ZNF875: variants seen among roughly 807,000 people sequenced by gnomAD.
ZNF875 encodes the protein zinc finger protein 875, also known as HKR1, GLI-Kruppel zinc finger family member.
A neutral mutation model predicts 11.2 loss-of-function variants in ZNF875; 14 were observed. The ratio of observed to expected loss-of-function variants is 1.26; its 90% CI spans 0.83 to 1.96. The LOEUF is 1.96. Among genes scored for constraint, ZNF875 ranks in the 30% most tolerant of loss-of-function variants. The pLI, the probability that ZNF875 is intolerant of heterozygous loss-of-function variation, is 0.00. For missense variants in ZNF875, 752 were observed against 760.4 expected (o/e 0.99, Z 0.13); for synonymous variants, 301 against 281.1 (o/e 1.07, Z -0.71).
intron 4 of ZNF875, among the ~76,000 whole-genome samples, chr19:37,326,425 A>G (rs890710082): frequency 4.6e-5 from 7 of 152,002 alleles, no homozygotes; most frequent in Non-Finnish European, 1.0e-4. Flanking sequence ...ATTATTTCCA[A>G]TTCCTTAACA....
Position 37,363,624 on chromosome 19 carries a change from G to C in ZNF875, c.1772G>C (p.Arg591Thr), listed in dbSNP as rs2040357104. ...AHAGGKPHVC[R>T]ECGQGFSRQS... is the part of the protein sequence containing the mutation. ...GCAGGGGGGAAGCCTCATGTGTGCA[G>C]GGAGTGTGGGCAAGGCTTTAGCCGG... Residue 591 changes from arginine (R) to threonine (T), a missense_variant, in exon 5 of 5, where the codon AGG becomes ACG. Arg to Thr is a moderately conservative substitution (Grantham distance 71, BLOSUM62 -1). Transcript: ENST00000392153. The C allele has an allele frequency of 2.5e-6, 4 of 1,613,024 alleles. No individual in the cohort carries two copies. The highest frequency in any genetic ancestry group is 3.4e-6 in the Non-Finnish European group (4 of 1,179,726).
intron 2 of ZNF875, chr19:37,344,939 AATG>A (rs1186454864): frequency 1.1e-5 from 7 of 616,460 alleles, no homozygotes; most frequent in Non-Finnish European, 2.1e-5. Context: ...TCCAGTGTTT[AATG>A]ATGAACAGTT....
upstream of ZNF875, among the ~76,000 whole-genome samples, chr19:37,330,598 G>A (rs1223642455): frequency 6.6e-6 from 1 of 152,066 alleles, no homozygotes; most frequent in African/African-American, 2.4e-5. Flanking sequence ...AACCTGAAGG[G>A]TAACTGCTTA....
At position 37,362,217 on chromosome 19, in the gene ZNF875, G is replaced by T; in HGVS notation, c.365G>T (p.Ser122Ile). The T allele has an allele frequency of 1.9e-6, 3 of 1,614,134 alleles. No individual in the cohort carries two copies. The highest frequency in any genetic ancestry group is 2.5e-6 in the Non-Finnish European group (3 of 1,180,010). ...AGTCATCTCTCTCAGCTGTTTTCAA[G>T]TTTATGGGCAGGAAATCCTCTCCAC... ...WLSHLSQLFS[S>I]LWAGNPLHLG... Residue 122 changes from serine (S) to isoleucine (I), a missense_variant, in exon 5 of 5, where the codon AGT becomes ATT. Ser to Ile is a moderately radical substitution (Grantham distance 142). Coordinates refer to ENST00000392153, the MANE Select transcript of ZNF875 (RefSeq NM_001353803.2).
upstream of ZNF875, among the ~76,000 whole-genome samples, chr19:37,314,088 G>T (rs2030077913): frequency 6.6e-6 from 1 of 151,896 alleles, no homozygotes; most frequent in South Asian, 2.1e-4. Flanking sequence ...CGAAGTGTAT[G>T]CTTTGTTTTC....
chr19:37,340,423 A>G (rs1369058896), intron 2 of ZNF875, among the ~76,000 whole-genome samples: 1 of 152,192 alleles, frequency 6.6e-6, no homozygotes, highest in African/African-American at 2.4e-5. Context: ...CCAAATGTTG[A>G]CATGGTCCTT....
upstream of ZNF875, among the ~76,000 whole-genome samples, chr19:37,331,623 G>T (rs954661920): frequency 9.5e-5 from 14 of 147,698 alleles, no homozygotes; most frequent in Non-Finnish European, 1.9e-4. Flanking sequence ...CTTGAAGGCA[G>T]CATGCTCCTT....
chr19:37,362,560 C>T lies in ZNF875; in HGVS notation c.708C>T (p.Ile236=). 3 of 1,614,174 alleles carry T rather than the reference C, an allele frequency of 1.9e-6. No homozygotes were observed. Among genetic ancestry groups the T allele is most frequent in the Non-Finnish European group, 2.5e-6 (3 of 1,180,038 alleles). ...ATGAAGAGTTTGGGCCAGGCTTTAT[C>T]AAGGAGTCAAACCTCCTTAGCCTCC... ...IKYEEFGPGF[I]KESNLLSLQK... Residue 236 remains isoleucine, a synonymous_variant, in exon 5 of 5, where the codon ATC becomes ATT. Coordinates refer to ENST00000392153, the MANE Select transcript of ZNF875 (RefSeq NM_001353803.2).
In ZNF875 at chr19:37,344,882, G is replaced by A. The variant is rs567330497; in HGVS notation, c.34-2308G>A. 1,307 of 752,582 alleles carry A rather than the reference G, an allele frequency of 1.7e-3. 34 individuals are homozygous for A. In the South Asian group the frequency reaches 0.018, roughly 11 times the overall value. The allele number at this position is 752,582 out of a possible 1,614,324, so 46.6% of individuals were successfully genotyped here. A position where few individuals can be genotyped will look rare whatever the true frequency, so the allele number is the denominator to read the frequency against. Reference sequence around the variant, plus strand: ...TATGTTCTGAGAAGGGGTTGTAAAAGCAAATCACAACAGGGACTAGGCAGA... The same window carrying A: ...TATGTTCTGAGAAGGGGTTGTAAAAACAAATCACAACAGGGACTAGGCAGA... On this transcript the variant is annotated intron_variant, in intron 2 of 4. Transcript: ENST00000392153.
At chr19:37,352,138 C>G (rs1382876392) in intron 4 of ZNF875, among the ~76,000 whole-genome samples, 1 of 151,892 alleles carries the variant, frequency 6.6e-6, no homozygotes, top group Admixed American at 6.6e-5. Context: ...ACCTTTTTAT[C>G]ATTATGGAAT....
intron 4 of ZNF875, among the ~76,000 whole-genome samples, chr19:37,351,973 G>T (rs745595435): frequency 1.3e-4 from 20 of 152,138 alleles, no homozygotes; most frequent in South Asian, 6.2e-4. Flanking sequence ...CTGAGTTTTT[G>T]ATCTTATTTT....
rs368016338 is a variant in ZNF875, at chr19:37,354,849, C to A, written c.256+6977C>A. 3.9e-5 allele frequency among the ~76,000 whole-genome samples: 6 copies of A among 152,228 alleles called. No homozygotes were observed. The South Asian group carries it at 6.2e-4, about 16-fold the overall frequency. ...GGCCTCTTTGCATGCACTTGCTTTC[C>A]CTTCCTCTTTCTGCTGTGATTTGAA... On this transcript the variant is annotated intron_variant, in intron 4 of 4. Transcript: ENST00000392153.
upstream of ZNF875, among the ~76,000 whole-genome samples, chr19:37,314,568 C>T (rs1252639293): frequency 1.3e-5 from 2 of 151,998 alleles, no homozygotes; most frequent in African/African-American, 4.8e-5. Context: ...CTCATGCCTG[C>T]AATCTCAGAA....
At chr19:37,335,082 A>G (rs1234641245) in intron 1 of ZNF875, 87 bp from the exon 2 acceptor site, 1 of 623,296 alleles carries the variant, frequency 1.6e-6, no homozygotes, top group Admixed American at 2.3e-5. Flanking sequence ...CCAGACCCCA[A>G]CTGTGGGGCT....
intron 2 of ZNF875, among the ~76,000 whole-genome samples, chr19:37,343,858 G>T (rs192762018): frequency 6.6e-6 from 1 of 152,126 alleles, no homozygotes; most frequent in Non-Finnish European, 1.5e-5. Flanking sequence ...GCTTTTGGCC[G>T]CAAGCAACAG....
intron 4 of ZNF875, among the ~76,000 whole-genome samples, chr19:37,327,596 C>A (rs1369377793): frequency 6.6e-6 from 1 of 150,988 alleles, no homozygotes; most frequent in Non-Finnish European, 1.5e-5. Context: ...GGCAAAACCC[C>A]GTCTCTACTA....
At chr19:37,337,993 T>C (rs2034860160) in intron 2 of ZNF875, among the ~76,000 whole-genome samples, 2 of 152,364 alleles carry the variant, frequency 1.3e-5, no homozygotes, top group East Asian at 1.9e-4. Flanking sequence ...CTGGATGTTA[T>C]CAGAGCAACA....
At position 37,355,289 on chromosome 19, in the gene ZNF875, A is replaced by G. The variant is rs1287057507; in HGVS notation, c.257-6820A>G. 2.0e-5 allele frequency among the ~76,000 whole-genome samples: 3 copies of G among 152,164 alleles called. No individual in the cohort carries two copies. In the South Asian group the frequency reaches 6.2e-4, roughly 32 times the overall value. ...ACTGCAACCTCCGCCTCCTGGGTTC[A>G]AGCGATTCTCCTGCCTCAGCCTCCC... is the stretch of plus-strand genomic sequence containing the variant. On this transcript the variant is annotated intron_variant, in intron 4 of 4. Transcript: ENST00000392153.
chr19:37,332,915 A>T (rs752627576), upstream of ZNF875, among the ~76,000 whole-genome samples: 77 of 152,324 alleles, frequency 5.1e-4, no homozygotes, highest in Non-Finnish European at 5.6e-4. Flanking sequence ...TTACAAGGGT[A>T]ACTCAGGTGA....
Sources: allele counts gnomAD v4.1 joint callset (sites outside exome capture counted in the v4.1 genomes callset), GRCh38; gene constraint gnomAD v4.1.1; transcripts MANE v1.5; gene names NCBI Gene and HGNC (gene_info 2026-07-23, HGNC 2026-07-21).